The following KDM4A variants were observed in gnomAD, a reference collection of about 807,000 sequenced individuals.
The protein encoded by KDM4A is lysine demethylase 4A.
In KDM4A, 23 loss-of-function variants were observed where a neutral mutation model predicts 127.1. That is an observed-to-expected ratio of 0.18 (90% CI 0.13 to 0.26). The LOEUF (loss-of-function observed/expected upper bound fraction) is 0.26, where lower values mean the gene tolerates loss of function less well. KDM4A is among the 10% of genes least tolerant of loss of function. KDM4A has a pLI of 1.00. For missense variants in KDM4A, 890 were observed against 1,329.1 expected (o/e 0.67, Z 5.14); for synonymous variants, 443 against 466.5 (o/e 0.95, Z 0.65).
intron 10 of KDM4A, among the ~76,000 whole-genome samples, chr1:43,670,303 G>A (rs1479160654): frequency 6.6e-6 from 1 of 152,148 alleles, no homozygotes; most frequent in Non-Finnish European, 1.5e-5. Context: ...CCTGGGCTGG[G>A]CTGGCTTCTC....
intron 10 of KDM4A, among the ~76,000 whole-genome samples, chr1:43,669,771 T>G (rs1268991353): frequency 3.3e-5 from 5 of 151,840 alleles, no homozygotes; most frequent in Admixed American, 3.3e-4. Context: ...GCCTCAGCCT[T>G]CCAACTAGCT....
chr1:43,690,902 A>G lies in KDM4A; in HGVS notation c.2095A>G (p.Lys699Glu). 6.2e-7 allele frequency: 1 copy of G among 1,614,216 alleles called. No homozygotes were observed. The highest frequency in any genetic ancestry group is 8.5e-7 in the Non-Finnish European group (1 of 1,180,030). ...AAATGCTTCAGATTTAGCCCCCCAGAAGCAGAGGACCAAGCCATTGATTCC... is the reference window on the plus strand; with the variant it reads ...AAATGCTTCAGATTTAGCCCCCCAGGAGCAGAGGACCAAGCCATTGATTCC... ...CGNASDLAPQ[K>E]QRTKPLIPEM... Residue 699 changes from lysine to glutamate, a missense_variant, in exon 14 of 22, where the codon AAG becomes GAG. Lys to Glu is a moderately conservative substitution (Grantham distance 56). Around this residue, in one of 7 missense-constraint regions of KDM4A, gnomAD observed 389 missense variants for 485.9 expected, o/e 0.80. Transcript: ENST00000372396.
chr1:43,652,178 C>T (rs1178048042), intron 1 of KDM4A, among the ~76,000 whole-genome samples: 1 of 151,878 alleles, frequency 6.6e-6, no homozygotes, highest in Non-Finnish European at 1.5e-5. Context: ...TAAGCCACCG[C>T]ACCCAGCCAT....
chr1:43,680,547 G>A (rs1330099733), intron 11 of KDM4A, among the ~76,000 whole-genome samples: 1 of 152,208 alleles, frequency 6.6e-6, no homozygotes, highest in Non-Finnish European at 1.5e-5. Flanking sequence ...CAGTTCAGAA[G>A]TCTGAAATGG....
chr1:43,691,770 G>A (rs776421585), intron 15 of KDM4A, among the ~76,000 whole-genome samples, 198 bp downstream of exon 15: 84 of 151,852 alleles, frequency 5.5e-4, no homozygotes, highest in Non-Finnish European at 1.8e-4. Context: ...TCTGGATGCT[G>A]TGTTTGCTCC....
intron 7 of KDM4A, among the ~76,000 whole-genome samples, 196 bp from the exon 8 acceptor site, chr1:43,666,758 T>G (rs1165368161): frequency 6.6e-6 from 1 of 152,192 alleles, no homozygotes; most frequent in Non-Finnish European, 1.5e-5. Context: ...TAGAACAGTG[T>G]TCATTTGGAG....
rs1205582106 is a variant in KDM4A, at chr1:43,666,482, A to C, written c.704A>C (p.Glu235Ala). The change falls in exon 7 of 22, where the codon GAG becomes GCG. Residue 235 changes from glutamate (E) to alanine (A), a missense_variant. By Grantham distance (107) the Glu-to-Ala change is moderately radical. Around this residue, in one of 7 missense-constraint regions of KDM4A, gnomAD observed 141 missense variants for 273.5 expected, o/e 0.52. Coordinates refer to ENST00000372396, the MANE Select transcript of KDM4A (RefSeq NM_014663.3). ...GFFPGSAQSC[E>A]AFLRHKMTLI... ...TTCCCAGGAAGTGCTCAAAGCTGTG[A>C]GGCATTTCTCCGCCACAAGATGACC... 6.2e-7 allele frequency: 1 copy of C among 1,614,186 alleles called. No individual in the cohort carries two copies. The highest frequency in any genetic ancestry group is 2.2e-5 in the East Asian group (1 of 44,878).
At position 43,694,664 on chromosome 1, in the gene KDM4A, A is replaced by C. The variant is rs1661200808; in HGVS notation, c.2485-45A>C. 6 of 1,538,834 alleles carry C rather than the reference A, an allele frequency of 3.9e-6. No individual in the cohort carries two copies. The highest frequency in any genetic ancestry group is 5.4e-6 in the Non-Finnish European group (6 of 1,120,456). On this transcript the variant is annotated intron_variant, in intron 17 of 21. Coordinates refer to ENST00000372396, the MANE Select transcript of KDM4A (RefSeq NM_014663.3). This position sits in a 1 kb window ranked among gnomAD's most constrained non-coding sequence, Gnocchi z 5.2. Reference sequence around the variant, plus strand: ...GGAGGGGAACAACAGAGGAAGCTGCAGTGCCAGTTCCTGCAATCACTGGTT... The same window carrying C: ...GGAGGGGAACAACAGAGGAAGCTGCCGTGCCAGTTCCTGCAATCACTGGTT...
intron 12 of KDM4A, among the ~76,000 whole-genome samples, chr1:43,684,323 G>A (rs1660921626): frequency 6.6e-6 from 1 of 152,144 alleles, no homozygotes; most frequent in South Asian, 2.1e-4. Flanking sequence ...GCTAACACGT[G>A]AAACCCCATC....
intron 3 of KDM4A, among the ~76,000 whole-genome samples, chr1:43,659,794 A>G (rs1660329166): frequency 6.6e-6 from 1 of 152,216 alleles, no homozygotes; most frequent in Non-Finnish European, 1.5e-5. Flanking sequence ...GGTGAGTGTC[A>G]GCCACTGCGT....
intron 13 of KDM4A, 96 bp from the exon 14 acceptor site, chr1:43,690,749 T>A: frequency 8.8e-7 from 1 of 1,137,464 alleles, no homozygotes; most frequent in Non-Finnish European, 1.3e-6. Context: ...CATAGTCAGA[T>A]CGGTAAGAGA....
At chr1:43,659,684 G>A (rs144575729) in intron 3 of KDM4A, among the ~76,000 whole-genome samples, 276 of 152,286 alleles carry the variant, frequency 1.8e-3, no homozygotes, top group African/African-American at 6.3e-3. Flanking sequence ...ATGTGAGTAC[G>A]TATTTTCCTA....
At chr1:43,669,805 T>G (rs532738913) in intron 10 of KDM4A, among the ~76,000 whole-genome samples, 1 of 152,098 alleles carries the variant, frequency 6.6e-6, no homozygotes, top group Non-Finnish European at 1.5e-5. Context: ...CCTGCCACCA[T>G]GCCTGGCTAA....
chr1:43,700,131 G>A (rs149410561), intron 19 of KDM4A: 1 of 152,216 alleles, frequency 6.6e-6, no homozygotes, highest in African/African-American at 2.4e-5. Flanking sequence ...AAAGGAGTTT[G>A]TTTTTGTTTT....
At chr1:43,664,139 A>C (rs1296798253) in intron 5 of KDM4A, among the ~76,000 whole-genome samples, 1 of 152,216 alleles carries the variant, frequency 6.6e-6, no homozygotes, top group Admixed American at 6.5e-5. Context: ...GGCTTCTTTC[A>C]AAGAGGTGAC....
Position 43,667,896 on chromosome 1 carries a change from C to A in KDM4A, c.1040C>A (p.Thr347Lys). The A allele has an allele frequency of 6.2e-7, 1 of 1,614,144 alleles. No homozygotes were observed. Among genetic ancestry groups the A allele is most frequent in the African/African-American group, 1.3e-5 (1 of 75,040 alleles). ...DNTVIDHTLP[T>K]PEAAEFLKES... ...ACAGTTATTGACCATACTCTGCCCA[C>A]GCCAGAAGCAGCTGAGTTTCTTAAG... The change falls in exon 9 of 22, where the codon ACG (threonine) becomes AAG (lysine). Residue 347 changes from threonine (T) to lysine (K), a missense_variant. By Grantham distance (78) the Thr-to-Lys change is moderately conservative (BLOSUM62 -1). Coordinates refer to ENST00000372396, the MANE Select transcript of KDM4A (RefSeq NM_014663.3).
intron 7 of KDM4A, 89 bp from the exon 8 acceptor site, chr1:43,666,865 T>C (rs1413172816): frequency 9.7e-6 from 13 of 1,344,376 alleles, no homozygotes; most frequent in Admixed American, 1.8e-5. Context: ...TACCCTTTGT[T>C]ACTCAGCTAA....
intron 6 of KDM4A, 70 bp downstream of exon 6, chr1:43,665,815 G>A (rs968525621): frequency 3.3e-6 from 5 of 1,509,176 alleles, no homozygotes; most frequent in East Asian, 2.3e-5. Context: ...GCACTAAAAT[G>A]TGCGTTCCCC....
intron 3 of KDM4A, among the ~76,000 whole-genome samples, chr1:43,656,880 C>T (rs1376531311): frequency 1.3e-5 from 2 of 151,824 alleles, no homozygotes; most frequent in African/African-American, 4.8e-5. Flanking sequence ...CAGGCGCCTG[C>T]CACCACGCCT....
Sources: allele counts gnomAD v4.1 joint callset (sites outside exome capture counted in the v4.1 genomes callset), GRCh38; gene constraint gnomAD v4.1.1; regional missense constraint gnomAD v4.1.1; non-coding constraint Gnocchi (gnomAD v3.1); transcripts MANE v1.5; gene names NCBI Gene and HGNC (gene_info 2026-07-23, HGNC 2026-07-21).